LHFPL6: variants seen among roughly 807,000 people sequenced by gnomAD.
The protein encoded by LHFPL6 is LHFPL tetraspan subfamily member 6 protein.
LHFPL6 carries 9 observed loss-of-function variants against 20.6 expected under a neutral mutation model. That is an observed-to-expected ratio of 0.44 (90% CI 0.26 to 0.76). The LOEUF is 0.76. LHFPL6 is among the 30% of genes least tolerant of loss of function. The pLI, the probability that LHFPL6 is intolerant of heterozygous loss-of-function variation, is 0.20. For missense variants in LHFPL6, 218 were observed against 253.5 expected (o/e 0.86, Z 0.95); for synonymous variants, 105 against 98.7 (o/e 1.06, Z -0.38).
At chr13:39,388,054 T>C (rs918575905) in intron 2 of LHFPL6, among the ~76,000 whole-genome samples, 1 of 152,206 alleles carries the variant, frequency 6.6e-6, no homozygotes, top group Non-Finnish European at 1.5e-5. Context: ...AATGGGTTAT[T>C]ATCAGAAGCT....
intron 2 of LHFPL6, among the ~76,000 whole-genome samples, chr13:39,544,003 T>C (rs996109285): frequency 2.6e-5 from 4 of 152,220 alleles, no homozygotes; most frequent in African/African-American, 4.8e-5. Context: ...TTTCGACTAG[T>C]TGGAAAACTA....
chr13:39,503,206 C>T (rs1334877135), intron 2 of LHFPL6, among the ~76,000 whole-genome samples: 9 of 152,186 alleles, frequency 5.9e-5, no homozygotes, highest in Non-Finnish European at 1.5e-5. Flanking sequence ...CTGGACACAT[C>T]GCTCCCTCCC....
chr13:39,375,524 C>T (rs1413744478), intron 3 of LHFPL6, among the ~76,000 whole-genome samples: 1 of 152,086 alleles, frequency 6.6e-6, no homozygotes, highest in Admixed American at 6.5e-5. Context: ...AACCCCATCT[C>T]TACCAAAAAT....
intron 3 of LHFPL6, among the ~76,000 whole-genome samples, chr13:39,356,262 T>C (rs1001792031): frequency 6.6e-6 from 1 of 152,186 alleles, no homozygotes; most frequent in African/African-American, 2.4e-5. Flanking sequence ...AACTTACTCC[T>C]GAATAACTTT....
intron 2 of LHFPL6, among the ~76,000 whole-genome samples, chr13:39,556,426 T>C (rs1871305712): frequency 1.3e-5 from 2 of 152,172 alleles, no homozygotes; most frequent in East Asian, 1.9e-4. Flanking sequence ...CAGATGGAAA[T>C]AAGGAAGTTA....
In LHFPL6 at chr13:39,468,600, A is replaced by T. The variant is rs577843467; in HGVS notation, c.386-90074T>A. Among the ~76,000 whole-genome samples, 3 of 152,338 alleles carry T rather than the reference A, an allele frequency of 2.0e-5. No homozygotes were observed. The South Asian group carries it at 6.2e-4, about 32-fold the overall frequency. ...TCTTCATCCTTGGCCATGTCCTAAAAGTAATGTCATGATTTGCACTCTGAA... is the reference window on the plus strand; with the variant it reads ...TCTTCATCCTTGGCCATGTCCTAAATGTAATGTCATGATTTGCACTCTGAA... On this transcript the variant is annotated intron_variant, in intron 2 of 3. Coordinates refer to ENST00000379589, the MANE Select transcript of LHFPL6 (RefSeq NM_005780.3).
chr13:39,495,777 T>A (rs2138458409), intron 2 of LHFPL6, among the ~76,000 whole-genome samples: 1 of 126,046 alleles, frequency 7.9e-6, no homozygotes, highest in African/African-American at 2.9e-5. Flanking sequence ...TGTAACTCAA[T>A]AATTTTTTTT....
chr13:39,398,810 A>G (rs1056033385), intron 2 of LHFPL6, among the ~76,000 whole-genome samples: 6 of 152,168 alleles, frequency 3.9e-5, no homozygotes, highest in African/African-American at 1.4e-4. Flanking sequence ...CACAAACCCT[A>G]TTGTGAACTG....
chr13:39,453,354 T>C (rs889137792), intron 2 of LHFPL6, among the ~76,000 whole-genome samples: 1 of 152,228 alleles, frequency 6.6e-6, no homozygotes, highest in Admixed American at 6.5e-5. Context: ...TGAAGCTATA[T>C]CAATGTTAGG....
At chr13:39,449,698 T>C (rs1410131647) in intron 2 of LHFPL6, among the ~76,000 whole-genome samples, 1 of 152,150 alleles carries the variant, frequency 6.6e-6, no homozygotes, top group East Asian at 1.9e-4. Flanking sequence ...AAGATTTCAT[T>C]ATTGTGGATA....
At chr13:39,358,989 G>C (rs576893859) in intron 3 of LHFPL6, among the ~76,000 whole-genome samples, 22 of 152,238 alleles carry the variant, frequency 1.4e-4, no homozygotes, top group Admixed American at 1.4e-3. Flanking sequence ...TGGCCAACAT[G>C]GTGAAACCCC....
intron 2 of LHFPL6, among the ~76,000 whole-genome samples, chr13:39,534,922 C>G (rs935784144): frequency 6.6e-6 from 1 of 152,126 alleles, no homozygotes; most frequent in African/African-American, 2.4e-5. Flanking sequence ...TTTAAAACAA[C>G]AAAAATTTGT....
At chr13:39,370,876 A>AT (rs1171791056) in intron 3 of LHFPL6, among the ~76,000 whole-genome samples, 6 of 152,172 alleles carry the variant, frequency 3.9e-5, no homozygotes, top group African/African-American at 1.4e-4. Context: ...AGAGCTCAAA[A>AT]TTTTTTTAAA....
chr13:39,532,539 C>T (rs1211655078), intron 2 of LHFPL6, among the ~76,000 whole-genome samples: 1 of 152,102 alleles, frequency 6.6e-6, no homozygotes, highest in African/African-American at 2.4e-5. Context: ...GTCCTTTTTA[C>T]TTGTACCATG....
chr13:39,526,956 T>A (rs888903125), intron 2 of LHFPL6, among the ~76,000 whole-genome samples: 2 of 152,198 alleles, frequency 1.3e-5, no homozygotes, highest in African/African-American at 4.8e-5. Context: ...ACCTTCGAAT[T>A]ACATATTTAT....
At chr13:39,424,422 T>C (rs1408180) in intron 2 of LHFPL6, among the ~76,000 whole-genome samples, 140,089 of 152,080 alleles carry the variant, frequency 0.92, 65,661 homozygotes, top group East Asian at 1. Flanking sequence ...TATGAATAGG[T>C]TATTGAATAA....
intron 2 of LHFPL6, among the ~76,000 whole-genome samples, chr13:39,490,308 G>C (rs922279723): frequency 6.6e-6 from 1 of 152,166 alleles, no homozygotes; most frequent in Admixed American, 6.5e-5. Context: ...CACAATACAA[G>C]CGCAAACCAA....
At chr13:39,406,086 A>G (rs1268843350) in intron 2 of LHFPL6, among the ~76,000 whole-genome samples, 1 of 152,206 alleles carries the variant, frequency 6.6e-6, no homozygotes, top group Non-Finnish European at 1.5e-5. Context: ...TTCACAGTAC[A>G]GTTTCGCTCC....
At chr13:39,378,382 TA>T in intron 3 of LHFPL6, 45 bp downstream of exon 3, 1 of 1,492,618 alleles carries the variant, frequency 6.7e-7, no homozygotes, top group Non-Finnish European at 9.3e-7. Flanking sequence ...AAACATCAGA[TA>T]AGGTTCTTTT....
Sources: gnomAD v4.1 joint callset for allele counts (sites outside exome capture counted in the v4.1 genomes callset) on GRCh38, gnomAD v4.1.1 for gene constraint, MANE v1.5 for transcripts, NCBI Gene and HGNC (gene_info 2026-07-23, HGNC 2026-07-21) for gene names.